The following HEMK2 variants were observed in gnomAD, a reference collection of about 807,000 sequenced individuals.
HEMK2 encodes methyltransferase HEMK2.
At chr21:28,611,388 A>G in the HEMK2 span, among the ~76,000 whole-genome samples, 1 of 152,198 alleles carries the variant, frequency 6.6e-6, no homozygotes, top group Non-Finnish European at 1.5e-5. Context: ...AACCTCTTGG[A>G]TACTGCAACC....
At chr21:28,756,091 A>G in the HEMK2 span, among the ~76,000 whole-genome samples, 2 of 151,768 alleles carry the variant, frequency 1.3e-5, no homozygotes, top group African/African-American at 4.9e-5. Flanking sequence ...GAAGACAGAC[A>G]CAAGGCCAGT....
chr21:28,722,183 T>C, the HEMK2 span, among the ~76,000 whole-genome samples: 1 of 151,680 alleles, frequency 6.6e-6, no homozygotes, highest in Non-Finnish European at 1.5e-5. Context: ...GGTAGGAAGA[T>C]AGAGTAAAAA....
At chr21:28,619,434 A>G in the HEMK2 span, among the ~76,000 whole-genome samples, 1 of 152,242 alleles carries the variant, frequency 6.6e-6, no homozygotes, top group African/African-American at 2.4e-5. Context: ...AAGCAAATTT[A>G]CTGCCTTTTT....
At chr21:28,795,975 A>G in the HEMK2 span, among the ~76,000 whole-genome samples, 3 of 152,162 alleles carry the variant, frequency 2.0e-5, no homozygotes, top group African/African-American at 7.2e-5. Context: ...CTGAGTCTCT[A>G]GCCGCTAGCT....
chr21:28,640,971 T>C, the HEMK2 span, among the ~76,000 whole-genome samples: 1 of 151,432 alleles, frequency 6.6e-6, no homozygotes, highest in Non-Finnish European at 1.5e-5. Context: ...AGGAATATTC[T>C]ACCCTACCGC....
the HEMK2 span, among the ~76,000 whole-genome samples, chr21:28,723,186 A>G: frequency 6.8e-6 from 1 of 147,384 alleles, no homozygotes; most frequent in Non-Finnish European, 1.5e-5. Context: ...ATTTTTTTTT[A>G]TTTTTATTTT....
At chr21:28,633,375 T>C in the HEMK2 span, among the ~76,000 whole-genome samples, 1 of 152,158 alleles carries the variant, frequency 6.6e-6, no homozygotes, top group Admixed American at 6.5e-5. Context: ...AATCCACAGG[T>C]GAGATCTTAA....
the HEMK2 span, among the ~76,000 whole-genome samples, chr21:28,675,976 C>T: frequency 2.0e-5 from 3 of 152,168 alleles, no homozygotes; most frequent in East Asian, 1.9e-4. Flanking sequence ...CATTACCCTG[C>T]CCCGTGGAAT....
the HEMK2 span, among the ~76,000 whole-genome samples, chr21:28,808,179 C>T: frequency 6.6e-6 from 1 of 152,036 alleles, no homozygotes; most frequent in African/African-American, 2.4e-5. Flanking sequence ...GGGACAAGGG[C>T]AAACATCTCA....
At chr21:28,608,715 C>G in the HEMK2 span, among the ~76,000 whole-genome samples, 1 of 152,184 alleles carries the variant, frequency 6.6e-6, no homozygotes, top group African/African-American at 2.4e-5. Flanking sequence ...ATTGGCAGGG[C>G]ACAGTGGGAG....
At chr21:28,882,285 G>C in the HEMK2 span, 42 of 1,509,162 alleles carry the variant, frequency 2.8e-5, no homozygotes, top group Non-Finnish European at 3.7e-5. Context: ...TATATCCTAT[G>C]TCCATAAGGC....
At chr21:28,795,509 T>G in the HEMK2 span, among the ~76,000 whole-genome samples, 7 of 152,214 alleles carry the variant, frequency 4.6e-5, no homozygotes, top group Non-Finnish European at 8.8e-5. Flanking sequence ...CTTCATCTCT[T>G]TATCTGCAAT....
chr21:28,576,031 T>C, the HEMK2 span, among the ~76,000 whole-genome samples: 1 of 152,240 alleles, frequency 6.6e-6, no homozygotes, highest in Non-Finnish European at 1.5e-5. Context: ...GGGGTTATCA[T>C]GAACAAAATT....
At chr21:28,578,711 A>G in the HEMK2 span, among the ~76,000 whole-genome samples, 1 of 152,204 alleles carries the variant, frequency 6.6e-6, no homozygotes, top group Non-Finnish European at 1.5e-5. Context: ...TCCTTGATAA[A>G]AAGGGTTGTT....
At chr21:28,817,517 A>G in the HEMK2 span, among the ~76,000 whole-genome samples, 1 of 152,056 alleles carries the variant, frequency 6.6e-6, no homozygotes, top group Non-Finnish European at 1.5e-5. Flanking sequence ...AAATGGGAAC[A>G]CTCTTCTCTT....
chr21:28,589,803 G>A, the HEMK2 span, among the ~76,000 whole-genome samples: 257 of 152,180 alleles, frequency 1.7e-3, 9 homozygotes, highest in South Asian at 0.043. Flanking sequence ...TCAAAATCCA[G>A]AATGTTCCAA....
chr21:28,752,020 T>C, the HEMK2 span, among the ~76,000 whole-genome samples: 1 of 152,130 alleles, frequency 6.6e-6, no homozygotes, highest in Admixed American at 6.5e-5. Context: ...TGGGAAAGAA[T>C]AAATTGAACA....
the HEMK2 span, among the ~76,000 whole-genome samples, chr21:28,621,098 T>C: frequency 6.6e-6 from 1 of 152,120 alleles, no homozygotes; most frequent in Non-Finnish European, 1.5e-5. Context: ...ATTTCTTGTC[T>C]TCTGCTAGCT....
chr21:28,628,276 T>G, the HEMK2 span, among the ~76,000 whole-genome samples: 1 of 152,204 alleles, frequency 6.6e-6, no homozygotes, highest in Non-Finnish European at 1.5e-5. Context: ...AGTATTGATA[T>G]TTTAAAATAT....
Sources: allele counts gnomAD v4.1 joint callset (sites outside exome capture counted in the v4.1 genomes callset), GRCh38; gene constraint gnomAD v4.1.1; transcripts MANE v1.5; gene names NCBI Gene and HGNC (gene_info 2026-07-23, HGNC 2026-07-21).